ABHD2: variants seen among roughly 807,000 people sequenced by gnomAD.
The protein encoded by ABHD2 is abhydrolase domain containing 2, acylglycerol lipase, also known as monoacylglycerol lipase ABHD2.
ABHD2 carries 20 observed loss-of-function variants against 48.1 expected under a neutral mutation model. The ratio of observed to expected loss-of-function variants is 0.42; its 90% CI spans 0.29 to 0.60. ABHD2 has a LOEUF of 0.60. Ranked by LOEUF, ABHD2 falls within the 20% of genes least tolerant of loss-of-function variation. ABHD2 has a pLI of 0.24. For synonymous variants in ABHD2, 209 were observed against 214.2 expected, an observed-to-expected ratio of 0.98 and a Z score of 0.21; for missense variants, 405 against 550.9, an observed-to-expected ratio of 0.74 and a Z score of 2.65.
the ABHD2 span, among the ~76,000 whole-genome samples, chr15:89,073,172 T>G: frequency 6.6e-6 from 1 of 152,170 alleles, no homozygotes; most frequent in African/African-American, 2.4e-5. Flanking sequence ...AATTCCCACT[T>G]CTACAGAGAG....
chr15:89,184,140 C>T lies in ABHD2; in HGVS notation c.723-1284C>T, dbSNP rs1481406384. Among the ~76,000 whole-genome samples the T allele has an allele frequency of 2.0e-5, 3 of 152,162 alleles. No homozygotes were observed. The highest frequency in any genetic ancestry group is 7.2e-5 in the African/African-American group (3 of 41,426). On this transcript the variant is annotated intron_variant, in intron 6 of 10. Coordinates refer to ENST00000352732, the MANE Select transcript of ABHD2 (RefSeq NM_152924.5). The surrounding 1 kb of genome is among the most constrained non-coding windows in gnomAD (Gnocchi z 5.1). ...TAGCCTGTGTTTGATGAGCACATTG[C>T]AGACCATTAAATTCACAAACCATTT...
Position 89,195,664 on chromosome 15 carries a change from GTTCTT to G in ABHD2, c.*242_*246del. ...GTTAGGCATGGTGACAAGTGACAGA[GTTCTT>G]GCCCTCTGTCCAGTTTCAGCATCTG... On this transcript the variant is annotated 3_prime_UTR_variant, in exon 11 of 11. Coordinates refer to ENST00000352732, the MANE Select transcript of ABHD2 (RefSeq NM_152924.5). The surrounding 1 kb of genome is among the most constrained non-coding windows in gnomAD (Gnocchi z 5.1). 2.2e-6 allele frequency: 1 copy of G among 452,710 alleles called. No homozygotes were observed. Among genetic ancestry groups the G allele is most frequent in the Non-Finnish European group, 3.9e-6 (1 of 254,878 alleles). 28.0% of individuals were successfully genotyped at this position (452,710 alleles called of 1,614,324 possible).
chr15:89,094,128 G>A lies in ABHD2; in HGVS notation c.-107+5565G>A, dbSNP rs138662039. ...TACCACAGATACTGTGTTACATAAG[G>A]TGAGGAGAGGGAGGTGGTGTTATCA... On this transcript the variant is annotated intron_variant, in intron 1 of 10. Coordinates refer to ENST00000352732, the MANE Select transcript of ABHD2 (RefSeq NM_152924.5). The surrounding 1 kb of genome is among the most constrained non-coding windows in gnomAD (Gnocchi z 4.7). 73 of 152,302 alleles carry A rather than the reference G, an allele frequency of 4.8e-4. No homozygotes were observed. Among genetic ancestry groups the A allele is most frequent in the African/African-American group, 1.6e-3 (66 of 41,568 alleles). The allele number at this position is 152,302 out of a possible 1,614,324, so 9.4% of individuals were successfully genotyped here. A position where few individuals can be genotyped will look rare whatever the true frequency, so the allele number is the denominator to read the frequency against.
chr15:89,076,853 C>A, the ABHD2 span, among the ~76,000 whole-genome samples: 1 of 152,130 alleles, frequency 6.6e-6, no homozygotes, highest in East Asian at 1.9e-4. Context: ...TCTTCAATTT[C>A]TTTTAAATTT....
At chr15:89,048,873 C>G in the ABHD2 span, among the ~76,000 whole-genome samples, 2 of 148,116 alleles carry the variant, frequency 1.4e-5, no homozygotes. Context: ...GTAATTTGAT[C>G]GTCTGAAGCC....
Position 89,151,808 on chromosome 15 carries a change from C to G in ABHD2, c.326C>G (p.Ser109Cys). ...ATCACTATGTCTGATGGAGCCACTT[C>G]TACATTCGACCTCTTCGAGCCCTTG... is the stretch of plus-strand genomic sequence containing the variant. ...KFITMSDGAT[S>C]TFDLFEPLAE... The change falls in exon 4 of 11, where the codon TCT becomes TGT. Residue 109 changes from serine to cysteine, a missense_variant. Coordinates refer to ENST00000352732, the MANE Select transcript of ABHD2 (RefSeq NM_152924.5). This position sits in a 1 kb window ranked among gnomAD's most constrained non-coding sequence, Gnocchi z 4.7. The G allele has an allele frequency of 6.2e-7, 1 of 1,614,226 alleles. No individual in the cohort carries two copies. Among genetic ancestry groups the G allele is most frequent in the Non-Finnish European group, 8.5e-7 (1 of 1,180,046 alleles).
At chr15:89,161,047 C>G (rs1244837909) in intron 5 of ABHD2, among the ~76,000 whole-genome samples, 4 of 152,152 alleles carry the variant, frequency 2.6e-5, no homozygotes, top group African/African-American at 9.7e-5. Flanking sequence ...CCTAAAAGAA[C>G]TCCTAGTTCT....
intron 3 of ABHD2, among the ~76,000 whole-genome samples, chr15:89,143,692 A>C (rs940475129): frequency 7.9e-5 from 12 of 152,236 alleles, no homozygotes; most frequent in South Asian, 4.1e-4. Flanking sequence ...TCAAAACAAA[A>C]AAAAAAAAAT....
intron 10 of ABHD2, among the ~76,000 whole-genome samples, chr15:89,194,023 C>G (rs568526977): frequency 6.6e-6 from 1 of 151,610 alleles, no homozygotes; most frequent in Admixed American, 6.6e-5. Flanking sequence ...TCCAGAAGTT[C>G]GAGGCTGCAG....
intron 3 of ABHD2, among the ~76,000 whole-genome samples, chr15:89,141,044 C>T (rs1317989041): frequency 6.6e-6 from 1 of 152,000 alleles, no homozygotes; most frequent in African/African-American, 2.4e-5. Context: ...TCATAACTCA[C>T]TGCAGCCTTG....
In ABHD2 at chr15:89,100,130, C is replaced by G. The variant is rs745719614; in HGVS notation, c.-107+11567C>G. ...AGAAGACATTTAAATTAGCATTGAT[C>G]ATGATTGCTCACAGGCAAGTCAAGA... is the stretch of plus-strand genomic sequence containing the variant. On this transcript the variant is annotated intron_variant, in intron 1 of 10. Transcript: ENST00000352732. The surrounding 1 kb of genome is among the most constrained non-coding windows in gnomAD (Gnocchi z 4.4). Among the ~76,000 whole-genome samples, 5 of 152,110 alleles carry G rather than the reference C, an allele frequency of 3.3e-5. No homozygotes were observed. The highest frequency in any genetic ancestry group is 3.3e-4 in the Admixed American group (5 of 15,266).
intron 1 of ABHD2, among the ~76,000 whole-genome samples, chr15:89,112,793 G>A (rs951247371): frequency 1.3e-5 from 2 of 152,138 alleles, no homozygotes; most frequent in Non-Finnish European, 2.9e-5. Flanking sequence ...GCACAGCATG[G>A]TGATTAAGAG....
chr15:89,162,858 C>T (rs1162382058), intron 5 of ABHD2, among the ~76,000 whole-genome samples: 3 of 152,204 alleles, frequency 2.0e-5, no homozygotes, highest in Non-Finnish European at 4.4e-5. Flanking sequence ...GCAGTTTTCG[C>T]ACTCCCTGCT....
At chr15:89,131,825 G>A (rs1189000624) in intron 3 of ABHD2, among the ~76,000 whole-genome samples, 4 of 152,154 alleles carry the variant, frequency 2.6e-5, no homozygotes, top group African/African-American at 4.8e-5. Context: ...TAGGAGAGAC[G>A]TAAGAGAGCT....
chr15:89,064,243 G>T, the ABHD2 span, among the ~76,000 whole-genome samples: 3 of 121,112 alleles, frequency 2.5e-5, no homozygotes, highest in Admixed American at 9.5e-5. Flanking sequence ...TTTTTTACAC[G>T]GAGTCTCATT....
chr15:89,087,730 C>T (rs1293387446), upstream of ABHD2: 1 of 152,326 alleles, frequency 6.6e-6, no homozygotes. The surrounding 1 kb of genome is among the most constrained non-coding windows in gnomAD (Gnocchi z 5.5). Flanking sequence ...TCCAAGGCTA[C>T]ATTCTTCCAG....
rs932985042 is a variant in ABHD2, at chr15:89,168,982, C to T, written c.539-6830C>T. On this transcript the variant is annotated intron_variant, in intron 5 of 10. Coordinates refer to ENST00000352732, the MANE Select transcript of ABHD2 (RefSeq NM_152924.5). The surrounding 1 kb of genome is among the most constrained non-coding windows in gnomAD (Gnocchi z 4.8). Reference sequence around the variant, plus strand: ...TGGCATGTGCCTATAGTCCCAGCTACTCAAGAGGCTAAGGTGGAAGGACGT... The same window carrying T: ...TGGCATGTGCCTATAGTCCCAGCTATTCAAGAGGCTAAGGTGGAAGGACGT... Among the ~76,000 whole-genome samples, 2 of 152,124 alleles carry T rather than the reference C, an allele frequency of 1.3e-5. No homozygotes were observed. The highest frequency in any genetic ancestry group is 2.9e-5 in the Non-Finnish European group (2 of 68,018).
rs192980617 is a variant in ABHD2 at position 89,092,808 on chromosome 15, C to T, written c.-107+4245C>T. 4.6e-5 allele frequency among the ~76,000 whole-genome samples: 7 copies of T among 152,198 alleles called. No homozygotes were observed. Among genetic ancestry groups the T allele is most frequent in the Admixed American group, 6.5e-5 (1 of 15,288 alleles). ...CTTGGCAGTGTGAAAAGAGCTTCCACGTCATTTTTTATGAAGGCCGTCTAT... is the reference window on the plus strand; with the variant it reads ...CTTGGCAGTGTGAAAAGAGCTTCCATGTCATTTTTTATGAAGGCCGTCTAT... On this transcript the variant is annotated intron_variant, in intron 1 of 10. Coordinates refer to ENST00000352732, the MANE Select transcript of ABHD2 (RefSeq NM_152924.5). The surrounding 1 kb of genome is among the most constrained non-coding windows in gnomAD (Gnocchi z 4.4).
rs1017597133 is a variant in ABHD2, at chr15:89,114,437, G to T, written c.-7+613G>T. 2.0e-5 allele frequency among the ~76,000 whole-genome samples: 3 copies of T among 152,118 alleles called. No homozygotes were observed. The highest frequency in any genetic ancestry group is 7.2e-5 in the African/African-American group (3 of 41,422). On this transcript the variant is annotated intron_variant, in intron 2 of 10. Transcript: ENST00000352732. The surrounding 1 kb of genome is among the most constrained non-coding windows in gnomAD (Gnocchi z 4.2). The stretch of plus-strand genomic sequence containing the variant: ...CAGCTTTCAGGGGATATGACCCCAG[G>T]AGTGAGGAGGAGTGTCACCAGAAGT...
Sources: gnomAD v4.1 joint callset for allele counts (sites outside exome capture counted in the v4.1 genomes callset) on GRCh38, gnomAD v4.1.1 for gene constraint, Gnocchi (gnomAD v3.1) non-coding constraint, MANE v1.5 for transcripts, NCBI Gene and HGNC (gene_info 2026-07-23, HGNC 2026-07-21) for gene names.